Variants in RPS6KC1 observed in about 807,000 individuals in gnomAD.
The protein encoded by RPS6KC1 is inactive ribosomal protein S6 kinase delta-1.
A neutral mutation model predicts 103.8 loss-of-function variants in RPS6KC1; 54 were observed. The observed-to-expected ratio is 0.52, with a 90% CI of 0.42 to 0.65. The LOEUF is 0.65. RPS6KC1 is among the 30% of genes least tolerant of loss of function. RPS6KC1 has a pLI of 0.00. For missense variants in RPS6KC1, 1,151 were observed against 1,253.8 expected (o/e 0.92, Z 1.24); for synonymous variants, 439 against 438.7 (o/e 1.00, Z -0.01).
At chr1:213,669,148 T>C in the RPS6KC1 span, among the ~76,000 whole-genome samples, 2 of 152,234 alleles carry the variant, frequency 1.3e-5, no homozygotes, top group African/African-American at 4.8e-5. Context: ...CTTGGCTCTT[T>C]GGCCCAAGAG....
At chr1:213,799,384 G>A in the RPS6KC1 span, among the ~76,000 whole-genome samples, 1 of 152,158 alleles carries the variant, frequency 6.6e-6, no homozygotes, top group Non-Finnish European at 1.5e-5. Context: ...GTAAGCAGCA[G>A]CTACTGTTGA....
the RPS6KC1 span, among the ~76,000 whole-genome samples, chr1:213,364,285 A>G: frequency 6.6e-6 from 1 of 152,222 alleles, no homozygotes; most frequent in African/African-American, 2.4e-5. Flanking sequence ...ACTGGACTCA[A>G]ATATTTCAGC....
At chr1:213,606,054 C>T in the RPS6KC1 span, among the ~76,000 whole-genome samples, 1 of 152,192 alleles carries the variant, frequency 6.6e-6, no homozygotes, top group Admixed American at 6.5e-5. Flanking sequence ...GGTGGCAGCG[C>T]CCCTTCTGAG....
At chr1:213,762,801 C>T in the RPS6KC1 span, among the ~76,000 whole-genome samples, 1 of 151,640 alleles carries the variant, frequency 6.6e-6, no homozygotes, top group Non-Finnish European at 1.5e-5. Context: ...CCAGGCTTAA[C>T]TAAGTAGGGA....
the RPS6KC1 span, among the ~76,000 whole-genome samples, chr1:213,780,935 A>G: frequency 6.6e-6 from 1 of 152,214 alleles, no homozygotes; most frequent in Non-Finnish European, 1.5e-5. Flanking sequence ...AGGCATGAGA[A>G]TCACTTGAAC....
chr1:213,497,348 C>A, the RPS6KC1 span, among the ~76,000 whole-genome samples: 2 of 147,944 alleles, frequency 1.4e-5, no homozygotes, highest in East Asian at 2.0e-4. Context: ...GACCATAAAG[C>A]AATAAAAAGT....
At chr1:213,414,236 ATCTCTTGCTGT>A in the RPS6KC1 span, among the ~76,000 whole-genome samples, 6,845 of 152,304 alleles carry the variant, frequency 0.045, 204 homozygotes, top group African/African-American at 0.082. Context: ...CACCAAGTTC[ATCTCTTGCTGT>A]TTGGCTTTAA....
intron 6 of RPS6KC1, among the ~76,000 whole-genome samples, chr1:213,163,456 C>G (rs2090665333): frequency 6.6e-6 from 1 of 152,152 alleles, no homozygotes; most frequent in Admixed American, 6.5e-5. Flanking sequence ...TCTTAATAGC[C>G]CCTTAAAATT....
At chr1:213,235,516 A>G (rs1294477803) in intron 10 of RPS6KC1, among the ~76,000 whole-genome samples, 1 of 152,128 alleles carries the variant, frequency 6.6e-6, no homozygotes, top group African/African-American at 2.4e-5. Flanking sequence ...TTGAGAAGGG[A>G]CATTTGACCA....
At chr1:213,741,401 C>G in the RPS6KC1 span, among the ~76,000 whole-genome samples, 1 of 152,042 alleles carries the variant, frequency 6.6e-6, no homozygotes, top group Non-Finnish European at 1.5e-5. Flanking sequence ...GCTATTGAAC[C>G]CATCTCTTCT....
At chr1:213,817,253 C>T in the RPS6KC1 span, among the ~76,000 whole-genome samples, 1 of 152,214 alleles carries the variant, frequency 6.6e-6, no homozygotes, top group African/African-American at 2.4e-5. Context: ...CCCCTCCTCC[C>T]AGGTCTCCTT....
chr1:213,829,621 C>T, the RPS6KC1 span, among the ~76,000 whole-genome samples: 1 of 152,062 alleles, frequency 6.6e-6, no homozygotes, highest in Non-Finnish European at 1.5e-5. Flanking sequence ...AAAGCACGAA[C>T]CAAGACATTC....
At chr1:213,077,179 T>C (rs189637554) in intron 2 of RPS6KC1, among the ~76,000 whole-genome samples, 246 of 152,350 alleles carry the variant, frequency 1.6e-3, no homozygotes, top group African/African-American at 5.6e-3. Flanking sequence ...CAGTTTATCC[T>C]TTTAGGCAAA....
the RPS6KC1 span, among the ~76,000 whole-genome samples, chr1:213,531,342 G>A: frequency 3.9e-5 from 6 of 152,292 alleles, no homozygotes; most frequent in African/African-American, 1.4e-4. Context: ...AATGGAGAAG[G>A]AAGACAGGAC....
chr1:213,849,417 AC>A, the RPS6KC1 span, among the ~76,000 whole-genome samples: 1 of 152,128 alleles, frequency 6.6e-6, no homozygotes, highest in Non-Finnish European at 1.5e-5. Flanking sequence ...TGAATAATCA[AC>A]CCTTTCTTTA....
intron 14 of RPS6KC1, 101 bp downstream of exon 14, chr1:213,262,917 C>G: frequency 1.3e-6 from 1 of 766,460 alleles, no homozygotes; most frequent in South Asian, 1.5e-5. Context: ...GCAAGAAAAA[C>G]CCATTTAACG....
At chr1:213,555,401 T>G in the RPS6KC1 span, among the ~76,000 whole-genome samples, 1 of 152,240 alleles carries the variant, frequency 6.6e-6, no homozygotes. Context: ...TGCCATTTTA[T>G]GCACTTTGCA....
At chr1:213,169,306 GTGTT>G (rs1290358769) in intron 7 of RPS6KC1, among the ~76,000 whole-genome samples, 1 of 152,140 alleles carries the variant, frequency 6.6e-6, no homozygotes, top group Non-Finnish European at 1.5e-5. Context: ...CTGATGTTAA[GTGTT>G]TGACCATTTC....
the RPS6KC1 span, among the ~76,000 whole-genome samples, chr1:213,589,105 C>G: frequency 1.3e-5 from 2 of 152,080 alleles, no homozygotes; most frequent in African/African-American, 4.8e-5. Context: ...CCTGAGGGCT[C>G]TGAGGAGGCC....
Sources: gnomAD v4.1 joint callset for allele counts (sites outside exome capture counted in the v4.1 genomes callset) on GRCh38, gnomAD v4.1.1 for gene constraint, MANE v1.5 for transcripts, NCBI Gene and HGNC (gene_info 2026-07-23, HGNC 2026-07-21) for gene names.